Variants in GALNT15 observed in about 807,000 individuals in gnomAD.
The protein encoded by GALNT15 is UDP-GalNAc transferase T15.
In GALNT15, 67 loss-of-function variants were observed where a neutral mutation model predicts 66.8. That is an observed-to-expected ratio of 1.00 (90% CI 0.82 to 1.23). The LOEUF is 1.23. Among genes scored for constraint, GALNT15 ranks in the 50% most tolerant of loss-of-function variants. GALNT15 has a pLI of 0.00. For synonymous variants in GALNT15, 313 were observed against 311.5 expected (o/e 1.00, Z -0.05); for missense variants, 827 against 804.3 (o/e 1.03, Z -0.34).
intron 3 of GALNT15, among the ~76,000 whole-genome samples, chr3:16,202,569 G>C (rs1421976481): frequency 6.6e-6 from 1 of 152,228 alleles, no homozygotes; most frequent in East Asian, 1.9e-4. Flanking sequence ...GGAGGCAGAG[G>C]TTAAAGTGAG....
At chr3:16,215,082 C>T (rs1397233322) in intron 6 of GALNT15, among the ~76,000 whole-genome samples, 1 of 152,184 alleles carries the variant, frequency 6.6e-6, no homozygotes, top group Non-Finnish European at 1.5e-5. Context: ...ATGCGCCAGA[C>T]TAACTTTCCA....
In GALNT15 at chr3:16,188,876, C is replaced by T. The variant is rs1397444497; in HGVS notation, c.540-6884C>T. On this transcript the variant is annotated intron_variant, in intron 1 of 9. Transcript: ENST00000339732. The surrounding 1 kb of genome is among the most constrained non-coding windows in gnomAD (Gnocchi z 4.6). ...CTCTGTCCTCACTTCCACCTCCCTC[C>T]TTGTGTCCTCTCTCTCCAAGGTCCT... Among the ~76,000 whole-genome samples, 1 of 152,098 alleles carries T rather than the reference C, an allele frequency of 6.6e-6. No homozygotes were observed. Among genetic ancestry groups the T allele is most frequent in the Non-Finnish European group, 1.5e-5 (1 of 67,998 alleles).
At chr3:16,216,643 C>T (rs1378120444) in intron 6 of GALNT15, among the ~76,000 whole-genome samples, 1 of 152,198 alleles carries the variant, frequency 6.6e-6, no homozygotes, top group Admixed American at 6.5e-5. Context: ...CTTCTGGGGG[C>T]TTGTGTCCCT....
chr3:16,229,752 T>G lies in GALNT15; in HGVS notation c.*2252T>G. On this transcript the variant is annotated 3_prime_UTR_variant, in exon 10 of 10. Coordinates refer to ENST00000339732, the MANE Select transcript of GALNT15 (RefSeq NM_054110.5). ...AAAGACTGAATTTAATTGCATAAATTGTATTAGGTGGCAATTAACAAAAGG... is the reference window on the plus strand; with the variant it reads ...AAAGACTGAATTTAATTGCATAAATGGTATTAGGTGGCAATTAACAAAAGG... 2 of 981,422 alleles carry G rather than the reference T, an allele frequency of 2.0e-6. 1 individual carries two copies. The allele number at this position is 981,422 out of a possible 1,614,324, so 60.8% of individuals were successfully genotyped here. A position where few individuals can be genotyped will look rare whatever the true frequency, so the allele number is the denominator to read the frequency against.
chr3:16,212,443 C>A, intron 5 of GALNT15, 126 bp from the exon 6 acceptor site: 1 of 832,420 alleles, frequency 1.2e-6, no homozygotes, highest in Non-Finnish European at 1.9e-6. Context: ...GGACCATAAT[C>A]ATCTTCACCA....
rs1400337441 is a variant in GALNT15, at chr3:16,222,613, A to T, written c.1630-2A>T. The T allele has an allele frequency of 6.2e-7, 1 of 1,614,224 alleles. No homozygotes were observed. The highest frequency in any genetic ancestry group is 2.2e-5 in the East Asian group (1 of 44,878). ...CGCTAACAACTATTGCTTCTGTCAC[A>T]GTACCTGCAGCACACCAGCAGGAAG... On this transcript the variant is annotated splice_acceptor_variant, in intron 8 of 9. Coordinates refer to ENST00000339732, the MANE Select transcript of GALNT15 (RefSeq NM_054110.5). LOFTEE classifies it high-confidence loss of function.
At chr3:16,245,214 T>C in the GALNT15 span, among the ~76,000 whole-genome samples, 2 of 152,182 alleles carry the variant, frequency 1.3e-5, no homozygotes, top group Non-Finnish European at 2.9e-5. Flanking sequence ...CGTGTCCTTA[T>C]ATTGGCGCCT....
At chr3:16,196,649 CAG>C (rs2124863325) in intron 2 of GALNT15, among the ~76,000 whole-genome samples, 1 of 152,330 alleles carries the variant, frequency 6.6e-6, no homozygotes, top group African/African-American at 2.4e-5. Flanking sequence ...GGCCCACCCC[CAG>C]AGTTTCTGGT....
chr3:16,212,759 G>T lies in GALNT15; in HGVS notation c.1388G>T (p.Ser463Ile), dbSNP rs2063831022. 6.2e-7 allele frequency: 1 copy of T among 1,612,710 alleles called. No homozygotes were observed. The highest frequency in any genetic ancestry group is 8.5e-7 in the Non-Finnish European group (1 of 1,179,852). Residue 463 changes from serine to isoleucine, a missense_variant, in exon 6 of 10, where the codon AGC becomes ATC. Coordinates refer to ENST00000339732, the MANE Select transcript of GALNT15 (RefSeq NM_054110.5). ...YKHSPEAFSL[S>I]KAEKPDCMER... Reference sequence around the variant, plus strand: ...CATAGCCCAGAGGCCTTCTCCTTGAGCAAGGTAAGGAGAGAGCCAAGTGGG... The same window carrying T: ...CATAGCCCAGAGGCCTTCTCCTTGATCAAGGTAAGGAGAGAGCCAAGTGGG...
At chr3:16,206,420 T>C (rs2063757510) in intron 3 of GALNT15, among the ~76,000 whole-genome samples, 1 of 148,448 alleles carries the variant, frequency 6.7e-6, no homozygotes, top group Admixed American at 6.7e-5. Context: ...ACGCCTGTAA[T>C]CCCCAGCACT....
rs2063740729 is a variant in GALNT15 at position 16,204,905 on chromosome 3, G to GT, written c.912-3597dup. Among the ~76,000 whole-genome samples, 1 of 152,200 alleles carries GT rather than the reference G, an allele frequency of 6.6e-6. No homozygotes were observed. The highest frequency in any genetic ancestry group is 2.4e-5 in the African/African-American group (1 of 41,448). ...TGTGCATGTGAGTCAGTGTGTGTGT[G>GT]TAAGCATGTGAGAGTCTGAGTGTGG... On this transcript the variant is annotated intron_variant, in intron 3 of 9. Coordinates refer to ENST00000339732, the MANE Select transcript of GALNT15 (RefSeq NM_054110.5). The surrounding 1 kb of genome is among the most constrained non-coding windows in gnomAD (Gnocchi z 4.5).
At position 16,202,331 on chromosome 3, in the gene GALNT15, G is replaced by A. The variant is rs566873478; in HGVS notation, c.911+1508G>A. Among the ~76,000 whole-genome samples the A allele has an allele frequency of 7.7e-4, 117 of 152,156 alleles. 1 individual carries two copies. The highest frequency in any genetic ancestry group is 1.2e-3 in the South Asian group (6 of 4,816). ...AATTCAGCACTAGGACAAGAACTAG[G>A]ACACAAAAATGCACAAGCTGGCCAG... On this transcript the variant is annotated intron_variant, in intron 3 of 9. Transcript: ENST00000339732.
chr3:16,228,865 T>G lies in GALNT15; in HGVS notation c.*1365T>G. ...TATAACTGTCTGGAACCCCCAAATG[T>G]GTCCACAGGTTGAATGTCCATGAGT... On this transcript the variant is annotated 3_prime_UTR_variant, in exon 10 of 10. Coordinates refer to ENST00000339732, the MANE Select transcript of GALNT15 (RefSeq NM_054110.5). 1 of 985,404 alleles carries G rather than the reference T, an allele frequency of 1.0e-6. No homozygotes were observed. The highest frequency in any genetic ancestry group is 1.2e-6 in the Non-Finnish European group (1 of 829,936). The allele number at this position is 985,404 out of a possible 1,614,324, so 61.0% of individuals were successfully genotyped here.
In GALNT15 at chr3:16,224,341, A is replaced by C. The variant is rs1353733155; in HGVS notation, c.1773+1583A>C. ...TATTATTCAGCCTTAAAAAGGAAGA[A>C]AATCCCATCACCTGCTACAACATGG... On this transcript the variant is annotated intron_variant, in intron 9 of 9. Transcript: ENST00000339732. The surrounding 1 kb of genome is among the most constrained non-coding windows in gnomAD (Gnocchi z 5.2). Among the ~76,000 whole-genome samples, 7 of 152,198 alleles carry C rather than the reference A, an allele frequency of 4.6e-5. No homozygotes were observed. The highest frequency in any genetic ancestry group is 3.2e-3 in the Middle Eastern group (1 of 316).
In GALNT15 at chr3:16,219,388, C is replaced by T; in HGVS notation, c.1393-15C>T. 2 of 1,613,272 alleles carry T rather than the reference C, an allele frequency of 1.2e-6. No homozygotes were observed. Among genetic ancestry groups the T allele is most frequent in the Non-Finnish European group, 1.7e-6 (2 of 1,179,566 alleles). On this transcript the variant is annotated splice_polypyrimidine_tract_variant and intron_variant, in intron 6 of 9. Transcript: ENST00000339732. This position sits in a 1 kb window ranked among gnomAD's most constrained non-coding sequence, Gnocchi z 4.3. ...CAAGCTTTCATCATCCTGCTTGTGT[C>T]TTTCTCCTCCCCAGGCTGAGAAGCC...
In GALNT15 at chr3:16,228,892, TG is replaced by T; in HGVS notation, c.*1395del. 1 of 985,432 alleles carries T rather than the reference TG, an allele frequency of 1.0e-6. No homozygotes were observed. The highest frequency in any genetic ancestry group is 1.2e-6 in the Non-Finnish European group (1 of 829,948). 61.0% of individuals were successfully genotyped at this position (985,432 alleles called of 1,614,324 possible). ...TCCACAGGTTGAATGTCCATGAGTGTGGGAAGAACACGGCTCATCTGGAGCA... is the reference window on the plus strand; with the variant it reads ...TCCACAGGTTGAATGTCCATGAGTGTGGAAGAACACGGCTCATCTGGAGCA... On this transcript the variant is annotated 3_prime_UTR_variant, in exon 10 of 10. Transcript: ENST00000339732.
the GALNT15 span, among the ~76,000 whole-genome samples, chr3:16,242,111 GC>G: frequency 4.6e-5 from 7 of 152,174 alleles, no homozygotes; most frequent in African/African-American, 1.7e-4. The surrounding 1 kb of genome is among the most constrained non-coding windows in gnomAD (Gnocchi z 5.6). Context: ...CAGGATTTCT[GC>G]CAGTCTTCTT....
At position 16,182,352 on chromosome 3, in the gene GALNT15, A is replaced by G. The variant is rs904142111; in HGVS notation, c.539+6662A>G. The stretch of plus-strand genomic sequence containing the variant: ...CATGTCAAGGCTCCAAAGCAGACCA[A>G]GTAAATGTGATTCACAGGAACTCAC... On this transcript the variant is annotated intron_variant, in intron 1 of 9. Coordinates refer to ENST00000339732, the MANE Select transcript of GALNT15 (RefSeq NM_054110.5). This position sits in a 1 kb window ranked among gnomAD's most constrained non-coding sequence, Gnocchi z 6.1. Among the ~76,000 whole-genome samples the G allele has an allele frequency of 6.6e-6, 1 of 152,210 alleles. No homozygotes were observed. Among genetic ancestry groups the G allele is most frequent in the African/African-American group, 2.4e-5 (1 of 41,448 alleles).
In GALNT15 at chr3:16,181,136, T is replaced by C. The variant is rs1233337318; in HGVS notation, c.539+5446T>C. On this transcript the variant is annotated intron_variant, in intron 1 of 9. Transcript: ENST00000339732. The surrounding 1 kb of genome is among the most constrained non-coding windows in gnomAD (Gnocchi z 5.9). ...GAGAAAAATGGAGCTGTGGATATCA[T>C]ATTGCTGTCCTTTTTCTGACTGAAA... 2.0e-5 allele frequency among the ~76,000 whole-genome samples: 3 copies of C among 152,198 alleles called. No individual in the cohort carries two copies. Among genetic ancestry groups the C allele is most frequent in the African/African-American group, 7.2e-5 (3 of 41,452 alleles).
Sources: allele counts gnomAD v4.1 joint callset (sites outside exome capture counted in the v4.1 genomes callset), GRCh38; gene constraint gnomAD v4.1.1; non-coding constraint Gnocchi (gnomAD v3.1); transcripts MANE v1.5; gene names NCBI Gene and HGNC (gene_info 2026-07-23, HGNC 2026-07-21).